ROBO1: variants seen among roughly 807,000 people sequenced by gnomAD.
The protein encoded by ROBO1 is roundabout homolog 1.
A neutral mutation model predicts 195.9 loss-of-function variants in ROBO1; 149 were observed. The observed-to-expected ratio is 0.76, with a 90% CI of 0.67 to 0.87. ROBO1 has a LOEUF of 0.87. Among genes scored for constraint, ROBO1 ranks in the 40% least tolerant of loss-of-function variants. ROBO1 has a pLI of 0.00. For missense variants in ROBO1, 1,933 were observed against 2,068.3 expected, an observed-to-expected ratio of 0.93 and a Z score of 1.27; for synonymous variants, 816 against 733.2, an observed-to-expected ratio of 1.11 and a Z score of -1.82.
At chr3:79,619,089 G>C (rs1429673949) in intron 1 of ROBO1, among the ~76,000 whole-genome samples, 2 of 152,072 alleles carry the variant, frequency 1.3e-5, no homozygotes, top group Non-Finnish European at 2.9e-5. Flanking sequence ...CATTCCACTG[G>C]TGTCTGATCA....
chr3:79,001,803 C>A (rs1264703898), intron 3 of ROBO1, among the ~76,000 whole-genome samples: 1 of 152,076 alleles, frequency 6.6e-6, no homozygotes, highest in Non-Finnish European at 1.5e-5. Context: ...AAGGCAACCT[C>A]ACTGTGAGCT....
chr3:79,553,055 C>A (rs1402117239), intron 2 of ROBO1, among the ~76,000 whole-genome samples: 4 of 152,040 alleles, frequency 2.6e-5, no homozygotes, highest in Admixed American at 6.6e-5. Context: ...TGAAATTCTT[C>A]TTTAGGTACA....
At chr3:78,802,472 T>C (rs2084398463) in intron 4 of ROBO1, among the ~76,000 whole-genome samples, 1 of 152,168 alleles carries the variant, frequency 6.6e-6, no homozygotes, top group Non-Finnish European at 1.5e-5. Context: ...AATATCTCTG[T>C]ACTAAGTTGA....
intron 1 of ROBO1, 87 bp from the exon 2 acceptor site, chr3:79,590,048 T>A (rs905874669): frequency 1.8e-6 from 1 of 555,150 alleles, no homozygotes; most frequent in Non-Finnish European, 3.2e-6. Flanking sequence ...TCAAATAGAT[T>A]TGAAATGTCA....
At chr3:79,002,953 C>T (rs2077539343) in intron 3 of ROBO1, among the ~76,000 whole-genome samples, 1 of 152,100 alleles carries the variant, frequency 6.6e-6, no homozygotes, top group Non-Finnish European at 1.5e-5. Flanking sequence ...TCCCACACTC[C>T]ACATGAAAAC....
chr3:79,081,046 A>C (rs1033170162), intron 3 of ROBO1, among the ~76,000 whole-genome samples: 1 of 152,030 alleles, frequency 6.6e-6, no homozygotes, highest in Non-Finnish European at 1.5e-5. Flanking sequence ...ATAGAAGAAA[A>C]TTTCCATAGA....
Position 78,639,750 on chromosome 3 carries a change from G to A in ROBO1, c.3031C>T (p.Arg1011Cys), listed in dbSNP as rs752196175. ...NSDSNLTTYS[R>C]PADCIANYNN... ...CTCTCTCTGTGTCCCTAACCTGGGC[G>A]ACTGTAGGTAGTGAGGTTGCTGTCG... The change falls in exon 22 of 31, where the codon CGC becomes TGC. Residue 1011 changes from arginine to cysteine, a missense_variant. This residue lies in a region of ROBO1 where 1,737 missense variants were observed against 1,882.5 expected (regional missense o/e 0.92). Transcript: ENST00000464233. 9.9e-6 allele frequency: 16 copies of A among 1,612,456 alleles called. No homozygotes were observed. The highest frequency in any genetic ancestry group is 1.2e-5 in the Non-Finnish European group (14 of 1,179,086).
chr3:78,866,855 A>C (rs2035214238), intron 4 of ROBO1, among the ~76,000 whole-genome samples: 1 of 152,140 alleles, frequency 6.6e-6, no homozygotes, highest in African/African-American at 2.4e-5. Context: ...TATAGTCTGT[A>C]ATTCTAGACC....
intron 4 of ROBO1, among the ~76,000 whole-genome samples, chr3:78,786,715 G>A (rs1459414015): frequency 6.6e-6 from 1 of 152,136 alleles, no homozygotes; most frequent in Non-Finnish European, 1.5e-5. Flanking sequence ...TGCTGCCATG[G>A]AAGATGTGCC....
Position 79,428,575 on chromosome 3 carries a change from T to G in ROBO1, c.88+161249A>C, listed in dbSNP as rs573933001. 6.6e-5 allele frequency among the ~76,000 whole-genome samples: 10 copies of G among 152,226 alleles called. No individual in the cohort carries two copies. In the South Asian group the frequency reaches 1.9e-3, roughly 28 times the overall value. ...CCAGCATACTAAAACAATGTACCAGTTTCTTATGAAGTTTCCTTATTTGTT... is the reference window on the plus strand; with the variant it reads ...CCAGCATACTAAAACAATGTACCAGGTTCTTATGAAGTTTCCTTATTTGTT... On this transcript the variant is annotated intron_variant, in intron 2 of 30. Coordinates refer to ENST00000464233, the MANE Select transcript of ROBO1 (RefSeq NM_002941.4).
At chr3:79,588,695 G>A (rs1376738198) in intron 2 of ROBO1, among the ~76,000 whole-genome samples, 1 of 151,604 alleles carries the variant, frequency 6.6e-6, no homozygotes, top group Non-Finnish European at 1.5e-5. Context: ...GGCAAGAGAA[G>A]GGAATATAGG....
At chr3:79,412,634 G>A (rs2037819526) in intron 2 of ROBO1, among the ~76,000 whole-genome samples, 1 of 151,978 alleles carries the variant, frequency 6.6e-6, no homozygotes, top group South Asian at 2.1e-4. Flanking sequence ...AAAAGGGGGT[G>A]GTAAACAATC....
intron 1 of ROBO1, among the ~76,000 whole-genome samples, chr3:79,655,062 C>T (rs1341794639): frequency 6.6e-6 from 1 of 151,940 alleles, no homozygotes; most frequent in Non-Finnish European, 1.5e-5. Context: ...CTGTCACTGC[C>T]ACAGGAAAAT....
At chr3:78,657,806 A>G (rs1030069636) in intron 17 of ROBO1, among the ~76,000 whole-genome samples, 3 of 152,216 alleles carry the variant, frequency 2.0e-5, no homozygotes, top group African/African-American at 7.2e-5. Flanking sequence ...TACAAGGAGT[A>G]GTTGATTGAA....
At chr3:78,892,588 TATCATC>T (rs532184747) in intron 4 of ROBO1, among the ~76,000 whole-genome samples, 1 of 151,952 alleles carries the variant, frequency 6.6e-6, no homozygotes, top group African/African-American at 2.4e-5. Flanking sequence ...AAGAAGTGTT[TATCATC>T]ATCATCATCA....
At chr3:78,775,265 C>T (rs1274532930) in intron 4 of ROBO1, among the ~76,000 whole-genome samples, 1 of 152,134 alleles carries the variant, frequency 6.6e-6, no homozygotes, top group Non-Finnish European at 1.5e-5. Flanking sequence ...CCCACTAGCT[C>T]ATGTGTGTAA....
rs185644344 is a variant in ROBO1 at position 79,501,285 on chromosome 3, T to A, written c.88+88539A>T. On this transcript the variant is annotated intron_variant, in intron 2 of 30. Transcript: ENST00000464233. ...TTGCCTACCTCTGCCCTACAGAATT[T>A]TTATTTTCTTAACTAGTTCACGAAG... Among the ~76,000 whole-genome samples the A allele has an allele frequency of 3.7e-3, 561 of 152,312 alleles. 3 individuals carry two copies. Among genetic ancestry groups the A allele is most frequent in the Non-Finnish European group, 6.0e-3 (409 of 68,028 alleles).
intron 2 of ROBO1, among the ~76,000 whole-genome samples, chr3:79,587,165 C>G (rs1943856063): frequency 6.6e-6 from 1 of 150,996 alleles, no homozygotes; most frequent in African/African-American, 2.4e-5. Context: ...ATTTCATTTG[C>G]AATATTATGA....
intron 2 of ROBO1, among the ~76,000 whole-genome samples, chr3:79,322,674 G>C (rs140179268): frequency 6.6e-6 from 1 of 152,108 alleles, no homozygotes; most frequent in Non-Finnish European, 1.5e-5. Context: ...CCATTTGGCC[G>C]TATATTGGTT....
Sources: allele counts gnomAD v4.1 joint callset (sites outside exome capture counted in the v4.1 genomes callset), GRCh38; gene constraint gnomAD v4.1.1; regional missense constraint gnomAD v4.1.1; transcripts MANE v1.5; gene names NCBI Gene and HGNC (gene_info 2026-07-23, HGNC 2026-07-21).